ADAM22: variants seen among roughly 807,000 people sequenced by gnomAD.
ADAM22 encodes the protein ADAM metallopeptidase domain 22, also known as disintegrin and metalloproteinase domain-containing protein 22.
ADAM22 carries 65 observed loss-of-function variants against 144.6 expected under a neutral mutation model. The observed-to-expected ratio is 0.45, with a 90% CI of 0.37 to 0.55. The LOEUF is 0.55. Among genes scored for constraint, ADAM22 ranks in the 20% least tolerant of loss-of-function variants. ADAM22 has a pLI of 0.00. For missense variants in ADAM22, 974 were observed against 1,184.9 expected, an observed-to-expected ratio of 0.82 and a Z score of 2.61; for synonymous variants, 391 against 412.6, an observed-to-expected ratio of 0.95 and a Z score of 0.63.
chr7:88,083,151 T>C (rs934510956), intron 4 of ADAM22, among the ~76,000 whole-genome samples: 1 of 152,186 alleles, frequency 6.6e-6, no homozygotes, highest in African/African-American at 2.4e-5. Context: ...TGGAATACTA[T>C]GCAGCCATAA....
intron 3 of ADAM22, among the ~76,000 whole-genome samples, chr7:88,020,042 C>G (rs1292572563): frequency 6.6e-6 from 1 of 151,976 alleles, no homozygotes; most frequent in East Asian, 1.9e-4. Context: ...TAGTGAAAGC[C>G]ATCTCTTAGG....
chr7:88,002,154 G>C (rs1792716520), intron 3 of ADAM22, among the ~76,000 whole-genome samples: 2 of 152,154 alleles, frequency 1.3e-5, no homozygotes, highest in South Asian at 4.1e-4. Flanking sequence ...ATTGACTTGT[G>C]ACGGAAATCC....
At chr7:88,191,149 T>C (rs751587563) in intron 30 of ADAM22, among the ~76,000 whole-genome samples, 9 of 152,228 alleles carry the variant, frequency 5.9e-5, no homozygotes, top group Non-Finnish European at 1.2e-4. Flanking sequence ...TGCAATTTCT[T>C]TGGGGTTCTG....
At chr7:88,031,892 G>T (rs998974848) in intron 3 of ADAM22, among the ~76,000 whole-genome samples, 1 of 152,244 alleles carries the variant, frequency 6.6e-6, no homozygotes, top group Admixed American at 6.5e-5. Flanking sequence ...TGCTGCTCCA[G>T]AGGGTGCAAG....
intron 3 of ADAM22, among the ~76,000 whole-genome samples, chr7:88,000,534 A>G (rs868431723): frequency 1.8e-4 from 27 of 152,144 alleles, no homozygotes; most frequent in South Asian, 1.0e-3. Flanking sequence ...AAGACTAGTT[A>G]TTTTACTAAT....
rs142789792 is a variant in ADAM22, at chr7:87,971,728, T to C, written c.247-6608T>C. ...AAGGAAATTCTTGGTATTATACTGA[T>C]TCTCTCTTCTCAAACATACCTTTTT... is the stretch of plus-strand genomic sequence containing the variant. On this transcript the variant is annotated intron_variant, in intron 2 of 31. Transcript: ENST00000413139. 7.0e-4 allele frequency among the ~76,000 whole-genome samples: 106 copies of C among 152,344 alleles called. No homozygotes were observed. In the East Asian group the frequency reaches 0.013, roughly 19 times the overall value.
intron 2 of ADAM22, among the ~76,000 whole-genome samples, chr7:87,952,289 A>C (rs1047303613): frequency 2.0e-5 from 3 of 151,554 alleles, no homozygotes; most frequent in Admixed American, 6.6e-5. Flanking sequence ...TGTCATAGAT[A>C]GCTCTTATTA....
At chr7:88,161,123 T>A (rs1314914452) in intron 22 of ADAM22, among the ~76,000 whole-genome samples, 4 of 145,116 alleles carry the variant, frequency 2.8e-5, no homozygotes, top group African/African-American at 7.7e-5. Flanking sequence ...ATAATAATAA[T>A]AAAAAACCAA....
At chr7:88,155,692 A>C (rs868585049) in intron 21 of ADAM22, among the ~76,000 whole-genome samples, 195 bp from the exon 22 acceptor site, 1 of 152,204 alleles carries the variant, frequency 6.6e-6, no homozygotes, top group Non-Finnish European at 1.5e-5. Flanking sequence ...ATTTTGGTAC[A>C]TCAGTAAGAG....
At chr7:87,953,633 A>G (rs1371018706) in intron 2 of ADAM22, among the ~76,000 whole-genome samples, 2 of 152,122 alleles carry the variant, frequency 1.3e-5, no homozygotes, top group African/African-American at 2.4e-5. Context: ...TTTGGGGTGG[A>G]GAGTTCTGTA....
chr7:87,945,114 C>T (rs540285039), intron 2 of ADAM22, among the ~76,000 whole-genome samples: 2 of 152,154 alleles, frequency 1.3e-5, no homozygotes, highest in South Asian at 4.1e-4. Flanking sequence ...TTGCATGGAT[C>T]AGGAGATGAG....
chr7:88,017,978 C>T (rs1360495837), intron 3 of ADAM22, among the ~76,000 whole-genome samples: 3 of 152,102 alleles, frequency 2.0e-5, no homozygotes, highest in Non-Finnish European at 4.4e-5. Context: ...CTTCTCGACT[C>T]CCCAAAGACT....
rs140810814 is a variant in ADAM22 at position 88,147,817 on chromosome 7, A to T, written c.1486-1160A>T. On this transcript the variant is annotated intron_variant, in intron 17 of 31. Coordinates refer to ENST00000413139, the MANE Select transcript of ADAM22 (RefSeq NM_001324418.2). The stretch of plus-strand genomic sequence containing the variant: ...ATTTGCTCATATTTCTACCCTAGAT[A>T]TTCTAAAATGTTGGCTTGTCTTAGT... 2.9e-3 allele frequency among the ~76,000 whole-genome samples: 441 copies of T among 152,294 alleles called. 1 individual carries two copies. The highest frequency in any genetic ancestry group is 0.01 in the African/African-American group (426 of 41,566).
intron 4 of ADAM22, among the ~76,000 whole-genome samples, chr7:88,090,913 T>G (rs1323341127): frequency 6.6e-6 from 1 of 152,206 alleles, no homozygotes; most frequent in Non-Finnish European, 1.5e-5. Context: ...CATTTTTAAA[T>G]AGTGAATTGT....
intron 3 of ADAM22, among the ~76,000 whole-genome samples, chr7:88,005,990 A>G (rs1223652669): frequency 6.6e-6 from 1 of 152,176 alleles, no homozygotes; most frequent in Non-Finnish European, 1.5e-5. Context: ...TATAATTTAT[A>G]TGCTGTGGCT....
chr7:88,113,689 T>C (rs1235827904), intron 5 of ADAM22, among the ~76,000 whole-genome samples: 19 of 57,562 alleles, frequency 3.3e-4, no homozygotes, highest in African/African-American at 1.6e-3. Context: ...ATATATATTA[T>C]AAATAAATAA....
At chr7:88,139,575 A>T (rs138435799) in intron 14 of ADAM22, among the ~76,000 whole-genome samples, 371 of 152,310 alleles carry the variant, frequency 2.4e-3, no homozygotes, top group African/African-American at 8.7e-3. Flanking sequence ...TTGCAAGGAA[A>T]AAAGGAAGTA....
intron 3 of ADAM22, among the ~76,000 whole-genome samples, chr7:87,989,055 A>G (rs535212669): frequency 6.6e-6 from 1 of 152,360 alleles, no homozygotes; most frequent in African/African-American, 2.4e-5. Context: ...CTTTGTTTCC[A>G]GAGTCAAAAG....
intron 27 of ADAM22, among the ~76,000 whole-genome samples, chr7:88,180,411 A>G (rs573669154): frequency 3.9e-5 from 6 of 152,118 alleles, no homozygotes; most frequent in Non-Finnish European, 8.8e-5. Context: ...TTTGTACAAA[A>G]TATGAGTCAT....
Sources: gnomAD v4.1 joint callset for allele counts (sites outside exome capture counted in the v4.1 genomes callset) on GRCh38, gnomAD v4.1.1 for gene constraint, MANE v1.5 for transcripts, NCBI Gene and HGNC (gene_info 2026-07-23, HGNC 2026-07-21) for gene names.